The following CIMIP1 variants were observed in gnomAD, a reference collection of about 807,000 sequenced individuals.
CIMIP1 encodes the protein ciliary microtubule inner protein 1.
chr20:58,155,464 T>A, the CIMIP1 span: 5 of 1,611,478 alleles, frequency 3.1e-6, no homozygotes, highest in Non-Finnish European at 4.2e-6. Flanking sequence ...GGATTCTGTT[T>A]CAGTTGATCA....
the CIMIP1 span, chr20:58,160,842 C>G: frequency 2.5e-4 from 404 of 1,602,366 alleles, no homozygotes; most frequent in African/African-American, 4.7e-3. Context: ...GAGTTCTGCC[C>G]AGGGGTGCTG....
chr20:58,159,499 A>G, the CIMIP1 span, among the ~76,000 whole-genome samples: 1 of 145,946 alleles, frequency 6.9e-6, no homozygotes, highest in Non-Finnish European at 1.5e-5. Context: ...TGGATGACAG[A>G]GCAAGACTCC....
the CIMIP1 span, chr20:58,155,350 G>A: frequency 4.1e-6 from 3 of 739,794 alleles, no homozygotes; most frequent in Non-Finnish European, 6.8e-6. Context: ...TCTAGGGGAA[G>A]CAATGGGGAG....
At chr20:58,153,615 C>T in the CIMIP1 span, 129 of 1,611,374 alleles carry the variant, frequency 8.0e-5, no homozygotes, top group Non-Finnish European at 9.8e-5. Flanking sequence ...TTAACAACCC[C>T]TTTTGAGGAG....
chr20:58,160,912 C>T, the CIMIP1 span: 68 of 1,423,562 alleles, frequency 4.8e-5, no homozygotes, highest in South Asian at 5.3e-5. Flanking sequence ...CCCTGAATCC[C>T]GAGGACACAG....
the CIMIP1 span, chr20:58,153,491 A>C: frequency 7.4e-7 from 1 of 1,357,006 alleles, no homozygotes; most frequent in Non-Finnish European, 1.1e-6. Context: ...TCCCCCACAG[A>C]CCCCTTGAAC....
At chr20:58,159,563 A>C in the CIMIP1 span, among the ~76,000 whole-genome samples, 22 of 151,752 alleles carry the variant, frequency 1.4e-4, no homozygotes, top group African/African-American at 5.1e-4. Context: ...CCTTGCTCCT[A>C]TAATGCCCTT....
chr20:58,158,547 G>A, the CIMIP1 span, among the ~76,000 whole-genome samples: 3 of 152,100 alleles, frequency 2.0e-5, no homozygotes, highest in Admixed American at 6.5e-5. Context: ...CTACTCAGGA[G>A]GCTGAGGCAG....
the CIMIP1 span, among the ~76,000 whole-genome samples, chr20:58,154,796 C>T: frequency 6.6e-6 from 1 of 152,108 alleles, no homozygotes; most frequent in African/African-American, 2.4e-5. Context: ...AACTTTTTGG[C>T]ATTTTTTGTT....
At chr20:58,152,231 A>ATCTGTTCCC in the CIMIP1 span, among the ~76,000 whole-genome samples, 1,866 of 152,222 alleles carry the variant, frequency 0.012, 39 homozygotes, top group African/African-American at 0.041. Context: ...CCACAGCAGG[A>ATCTGTTCCC]TCTGTTCCCT....
the CIMIP1 span, among the ~76,000 whole-genome samples, chr20:58,151,349 T>C: frequency 6.6e-6 from 1 of 152,152 alleles, no homozygotes; most frequent in Non-Finnish European, 1.5e-5. Context: ...GTTTTTTTTT[T>C]TTCTTCAAAT....
the CIMIP1 span, among the ~76,000 whole-genome samples, chr20:58,159,510 G>A: frequency 1.6e-4 from 13 of 79,820 alleles, no homozygotes; most frequent in Admixed American, 1.0e-3. Flanking sequence ...GCAAGACTCC[G>A]TCTAAAAAAA....
At chr20:58,154,677 A>G in the CIMIP1 span, among the ~76,000 whole-genome samples, 1 of 152,230 alleles carries the variant, frequency 6.6e-6, no homozygotes, top group Non-Finnish European at 1.5e-5. Context: ...GTCTATATTA[A>G]TATTCTTTAT....
At chr20:58,156,006 G>A in the CIMIP1 span, among the ~76,000 whole-genome samples, 2 of 152,170 alleles carry the variant, frequency 1.3e-5, no homozygotes, top group African/African-American at 4.8e-5. Flanking sequence ...ATACAATGGG[G>A]GTTAATGAAG....
the CIMIP1 span, among the ~76,000 whole-genome samples, chr20:58,157,957 T>G: frequency 1.3e-5 from 2 of 152,180 alleles, no homozygotes; most frequent in African/African-American, 2.4e-5. Context: ...TACGGTGGCA[T>G]GGGATCTGCT....
At chr20:58,155,551 A>G in the CIMIP1 span, 2 of 1,614,070 alleles carry the variant, frequency 1.2e-6, no homozygotes, top group Non-Finnish European at 1.7e-6. Context: ...CGGTGACCCC[A>G]GTGGAGAAGT....
the CIMIP1 span, among the ~76,000 whole-genome samples, chr20:58,155,807 G>A: frequency 3.3e-5 from 5 of 152,352 alleles, no homozygotes; most frequent in Non-Finnish European, 7.3e-5. Flanking sequence ...GAAGCAGAGA[G>A]AAGGCAGGAA....
chr20:58,157,204 C>T, the CIMIP1 span, among the ~76,000 whole-genome samples: 2 of 152,202 alleles, frequency 1.3e-5, no homozygotes, highest in East Asian at 3.8e-4. Context: ...CCAGCTCAAG[C>T]TATTATTATC....
the CIMIP1 span, chr20:58,153,646 C>A: frequency 3.3e-5 from 49 of 1,490,506 alleles, no homozygotes; most frequent in Middle Eastern, 1.9e-3. Context: ...ATTGTATGAG[C>A]CCCAAGGTTA....
Sources: gnomAD v4.1 joint callset for allele counts (sites outside exome capture counted in the v4.1 genomes callset) on GRCh38, gnomAD v4.1.1 for gene constraint, MANE v1.5 for transcripts, NCBI Gene and HGNC (gene_info 2026-07-23, HGNC 2026-07-21) for gene names.